The following MAP4 variants were observed in gnomAD, a reference collection of about 807,000 sequenced individuals.
MAP4 encodes the protein microtubule associated protein 4.
A neutral mutation model predicts 170.2 loss-of-function variants in MAP4; 76 were observed. The ratio of observed to expected loss-of-function variants is 0.45; its 90% CI spans 0.37 to 0.54. The LOEUF (loss-of-function observed/expected upper bound fraction) is 0.54, where lower values mean the gene tolerates loss of function less well. MAP4 is among the 20% of genes least tolerant of loss of function. The pLI is 0.00. For synonymous variants in MAP4, 909 were observed against 994.5 expected, an observed-to-expected ratio of 0.91 and a Z score of 1.62; for missense variants, 2,506 against 2,748.0, an observed-to-expected ratio of 0.91 and a Z score of 1.97.
intron 1 of MAP4, among the ~76,000 whole-genome samples, chr3:48,034,950 C>T (rs970614300): frequency 4.6e-5 from 7 of 151,948 alleles, no homozygotes; most frequent in African/African-American, 1.7e-4. Context: ...GAGGTTGAGT[C>T]TACAGTGAGC....
chr3:48,010,103 T>C (rs1269725421), intron 1 of MAP4, among the ~76,000 whole-genome samples: 1 of 152,122 alleles, frequency 6.6e-6, no homozygotes, highest in East Asian at 1.9e-4. Context: ...GTGATTACTG[T>C]CAATGCAAAA....
At chr3:48,075,254 G>A (rs1395844545) in intron 1 of MAP4, among the ~76,000 whole-genome samples, 2 of 152,168 alleles carry the variant, frequency 1.3e-5, no homozygotes, top group African/African-American at 4.8e-5. Flanking sequence ...GCCGGGCACG[G>A]TGGCTCACAC....
chr3:47,963,578 G>C (rs892758806), intron 3 of MAP4, among the ~76,000 whole-genome samples: 1 of 152,202 alleles, frequency 6.6e-6, no homozygotes, highest in African/African-American at 2.4e-5. Flanking sequence ...TATTACGATT[G>C]TATCTGGTCT....
In MAP4 at chr3:47,877,308, A is replaced by G. The variant is rs2095637393; in HGVS notation, c.5541+109T>C. The G allele has an allele frequency of 1.1e-5, 9 of 812,856 alleles. No individual in the cohort carries two copies. The South Asian group carries it at 1.2e-4, about 11-fold the overall frequency. The allele number at this position is 812,856 out of a possible 1,614,324, so 50.4% of individuals were successfully genotyped here. A position where few individuals can be genotyped will look rare whatever the true frequency, so the allele number is the denominator to read the frequency against. On this transcript the variant is annotated intron_variant, in intron 11 of 20. Coordinates refer to ENST00000683076, the MANE Select transcript of MAP4 (RefSeq NM_001385682.1). ...GCATGTCCAAACATGAGGAAGGACAATAACAGCTCAGAAAAAAGAAATTTC... is the reference window on the plus strand; with the variant it reads ...GCATGTCCAAACATGAGGAAGGACAGTAACAGCTCAGAAAAAAGAAATTTC...
At chr3:48,016,986 C>T (rs139388934), upstream of MAP4, among the ~76,000 whole-genome samples, 2 of 152,016 alleles carry the variant, frequency 1.3e-5, no homozygotes, top group Non-Finnish European at 2.9e-5. Context: ...ATCATGTTGG[C>T]CAGACTGGTC....
rs2100036287 is a variant in MAP4 at position 47,912,212 on chromosome 3, C to T, written c.2209G>A (p.Gly737Arg). 6.5e-7 allele frequency: 1 copy of T among 1,535,988 alleles called. No individual in the cohort carries two copies. The highest frequency in any genetic ancestry group is 1.4e-5 in the African/African-American group (1 of 73,032). ...ACATGAATACTTTTTCTTTGGTTCC[C>T]AGGCCCACCACAGGAGGATGAACCA... is the stretch of plus-strand genomic sequence containing the variant. ...VSGSSSCGGP[G>R]NQRKSIHVDS... Residue 737 changes from glycine (G) to arginine (R), a missense_variant, in exon 9 of 21, where the codon GGG (glycine) becomes AGG (arginine). Gly to Arg is a moderately radical substitution (Grantham distance 125). Transcript: ENST00000683076.
At chr3:48,009,669 GC>G (rs751078127) in intron 1 of MAP4, among the ~76,000 whole-genome samples, 4 of 152,118 alleles carry the variant, frequency 2.6e-5, no homozygotes, top group Non-Finnish European at 5.9e-5. Flanking sequence ...CTCTGAATCA[GC>G]GTCCAATATA....
intron 1 of MAP4, among the ~76,000 whole-genome samples, chr3:48,028,430 CAA>C (rs2100114191): frequency 6.6e-6 from 1 of 152,012 alleles, no homozygotes; most frequent in South Asian, 2.1e-4. Context: ...AACTAAATCA[CAA>C]AGTCAGTAGA....
At chr3:47,990,437 C>T (rs2100091477) in intron 2 of MAP4, among the ~76,000 whole-genome samples, 1 of 152,184 alleles carries the variant, frequency 6.6e-6, no homozygotes, top group Non-Finnish European at 1.5e-5. Context: ...ACAGTGAGAC[C>T]TTGTCTTTAC....
At chr3:48,045,172 C>T (rs563660897) in intron 1 of MAP4, among the ~76,000 whole-genome samples, 8 of 142,338 alleles carry the variant, frequency 5.6e-5, no homozygotes, top group South Asian at 2.3e-4. Context: ...GCAGGAGAAT[C>T]GCTTGAACCC....
At chr3:47,863,845 A>ACTAACTAGGATCCTGTTTGGAGCC (rs2073487666) in intron 17 of MAP4, among the ~76,000 whole-genome samples, 1 of 150,632 alleles carries the variant, frequency 6.6e-6, no homozygotes, top group Non-Finnish European at 1.5e-5. Flanking sequence ...TTTTTGGAGC[A>ACTAACTAGGATCCTGTTTGGAGCC]CTAACTAGGA....
At chr3:48,054,677 G>T (rs749962346) in intron 1 of MAP4, among the ~76,000 whole-genome samples, 4 of 146,758 alleles carry the variant, frequency 2.7e-5, no homozygotes, top group Non-Finnish European at 6.0e-5. Flanking sequence ...CCATGGTGGC[G>T]GGCTCCTGTA....
chr3:48,030,473 T>C (rs1285421911), intron 1 of MAP4, among the ~76,000 whole-genome samples: 1 of 85,366 alleles, frequency 1.2e-5, no homozygotes, highest in Non-Finnish European at 2.8e-5. Flanking sequence ...TAGGAAGTGC[T>C]AAAAATAAAA....
intron 1 of MAP4, among the ~76,000 whole-genome samples, chr3:48,073,311 G>C (rs1223628768): frequency 7.2e-6 from 1 of 138,412 alleles, no homozygotes; most frequent in Non-Finnish European, 1.5e-5. Context: ...ACACAAATTA[G>C]CATTAGTAAA....
chr3:47,952,408 C>T (rs1327655577), intron 3 of MAP4, among the ~76,000 whole-genome samples: 2 of 152,076 alleles, frequency 1.3e-5, no homozygotes, highest in Admixed American at 6.5e-5. Flanking sequence ...TCATTGAGAA[C>T]GGGCCATGAT....
intron 1 of MAP4, among the ~76,000 whole-genome samples, chr3:48,003,087 T>C (rs1485519796): frequency 6.6e-6 from 1 of 152,012 alleles, no homozygotes; most frequent in Non-Finnish European, 1.5e-5. Flanking sequence ...GAGCAAATTA[T>C]GTCAAAGAAA....
intron 10 of MAP4, among the ~76,000 whole-genome samples, chr3:47,900,247 A>C (rs2100029280): frequency 1.3e-5 from 2 of 152,204 alleles, no homozygotes; most frequent in Non-Finnish European, 2.9e-5. Context: ...AAGTGTTTAG[A>C]CATACATACA....
At chr3:48,004,362 G>C (rs2100101035) in intron 1 of MAP4, among the ~76,000 whole-genome samples, 1 of 152,170 alleles carries the variant, frequency 6.6e-6, no homozygotes, top group Non-Finnish European at 1.5e-5. Context: ...GCTCATGAAA[G>C]GTAAGGACTT....
chr3:47,915,999 G>A lies in MAP4; in HGVS notation c.1828C>T (p.Leu610=). 6.2e-7 allele frequency: 1 copy of A among 1,614,176 alleles called. No individual in the cohort carries two copies. The highest frequency in any genetic ancestry group is 8.5e-7 in the Non-Finnish European group (1 of 1,180,008). Residue 610 remains leucine, a synonymous_variant, in exon 7 of 21, where the codon CTG becomes TTG. Transcript: ENST00000683076. ...GCAGCTGACTGCCCCACATCCTGCA[G>A]AGATTCTAAATGGGAATCCTCACTT... ...GISEDSHLES[L]QDVGQSAAPT...
Sources: allele counts gnomAD v4.1 joint callset (sites outside exome capture counted in the v4.1 genomes callset), GRCh38; gene constraint gnomAD v4.1.1; transcripts MANE v1.5; gene names NCBI Gene and HGNC (gene_info 2026-07-23, HGNC 2026-07-21).